KLHL15: variants seen among roughly 807,000 people sequenced by gnomAD.
The protein encoded by KLHL15 is kelch-like protein 15.
In KLHL15, 1 loss-of-function variant was observed where a neutral mutation model predicts 29.3. The observed-to-expected ratio is 0.03, with a 90% CI of 0.01 to 0.16. The LOEUF is 0.16. Among genes scored for constraint, KLHL15 ranks in the 10% least tolerant of loss-of-function variants. The pLI is 1.00. For missense variants in KLHL15, 215 were observed against 478.5 expected, an observed-to-expected ratio of 0.45 and a Z score of 5.14; for synonymous variants, 212 against 184.5, an observed-to-expected ratio of 1.15 and a Z score of -1.21.
intron 3 of KLHL15, among the ~76,000 whole-genome samples, chrX:23,990,746 G>C (rs1312521702): frequency 2.7e-5 from 3 of 110,282 alleles, no homozygotes; most frequent in African/African-American, 9.9e-5. Context: ...TCAAAACCAG[G>C]TGTATATATT....
rs1463143361 is a variant in KLHL15 at position 23,987,086 on chromosome X, C to T, written c.*835G>A. 2 of 112,686 alleles carry T rather than the reference C, an allele frequency of 1.8e-5. No homozygotes were observed. The highest frequency in any genetic ancestry group is 6.4e-5 in the African/African-American group (2 of 31,081). The allele number at this position is 112,686 out of a possible 1,213,427, so 9.3% of individuals were successfully genotyped here. A position where few individuals can be genotyped will look rare whatever the true frequency, so the allele number is the denominator to read the frequency against. On this transcript the variant is annotated 3_prime_UTR_variant, in exon 4 of 4. Transcript: ENST00000328046. ...TAAAGTGTTAGTTTTCATAACCATA[C>T]ATGTTTCAGAAATATAAGGAGTTCA...
intron 2 of KLHL15, among the ~76,000 whole-genome samples, chrX:24,014,095 T>TTA (rs1368828502): frequency 2.2e-5 from 2 of 89,022 alleles, no homozygotes; most frequent in African/African-American, 8.0e-5. Context: ...CTAACAAAAT[T>TTA]AAAAAAAAAA....
chrX:24,005,323 G>C (rs370154822), intron 3 of KLHL15, among the ~76,000 whole-genome samples: 12 of 112,277 alleles, frequency 1.1e-4, no homozygotes, highest in African/African-American at 3.6e-4. Flanking sequence ...AATGTGCCCA[G>C]GGATGGTTGA....
In KLHL15 at chrX:23,988,760, T is replaced by G. The variant is rs771164671; in HGVS notation, c.976A>C (p.Asn326His). Residue 326 changes from asparagine to histidine, a missense_variant, in exon 4 of 4, where the codon AAT (asparagine) becomes CAT (histidine). Transcript: ENST00000328046. ...PLRPDCLAIV[N>H]NFVFLLGGEE... ...CCGCCTAACAGGAACACAAAATTAT[T>G]GACGATAGCAAGGCAGTCAGGTCGC... 1.2e-5 allele frequency: 15 copies of G among 1,211,869 alleles called. No individual in the cohort carries two copies. In the East Asian group the frequency reaches 2.7e-4, roughly 21 times the overall value.
intron 2 of KLHL15, among the ~76,000 whole-genome samples, chrX:24,013,588 T>G (rs1171417738): frequency 9.0e-6 from 1 of 111,591 alleles, no homozygotes; most frequent in Non-Finnish European, 1.9e-5. Context: ...AAGGTAAAAT[T>G]AATGAGCTTA....
chrX:24,022,774 C>T (rs1929839347), intron 2 of KLHL15, among the ~76,000 whole-genome samples: 1 of 105,018 alleles, frequency 9.5e-6, no homozygotes, highest in Non-Finnish European at 1.9e-5. Flanking sequence ...GGCTGGAGTG[C>T]AGTGCCGCCA....
At position 23,988,156 on chromosome X, in the gene KLHL15, G is replaced by T; in HGVS notation, c.1580C>A (p.Ser527Tyr). The change falls in exon 4 of 4, where the codon TCC (serine) becomes TAC (tyrosine). Residue 527 changes from serine (S) to tyrosine (Y), a missense_variant. Transcript: ENST00000328046. ...PETDQWTILA[S>Y]MPIGRSGHGV... is the part of the protein sequence containing the mutation. Reference sequence around the variant, plus strand: ...ATGGCCACTTCTACCAATCGGCATGGATGCCAAGATGGTCCACTGATCAGT... The same window carrying T: ...ATGGCCACTTCTACCAATCGGCATGTATGCCAAGATGGTCCACTGATCAGT... 8.3e-7 allele frequency: 1 copy of T among 1,211,404 alleles called. No homozygotes were observed. The highest frequency in any genetic ancestry group is 1.1e-6 in the Non-Finnish European group (1 of 895,291).
chrX:24,025,911 C>T (rs1286946340), intron 1 of KLHL15, among the ~76,000 whole-genome samples: 1 of 111,046 alleles, frequency 9.0e-6, no homozygotes, highest in Non-Finnish European at 1.9e-5. Context: ...TCCTCGTCCC[C>T]TTGCAGCGGT....
chrX:24,024,738 G>A lies in KLHL15; in HGVS notation c.-8+119C>T, dbSNP rs1691983486. 2.0e-5 allele frequency: 6 copies of A among 295,824 alleles called. No homozygotes were observed. In the South Asian group the frequency reaches 1.1e-3, roughly 55 times the overall value. 24.4% of individuals were successfully genotyped at this position (295,824 alleles called of 1,213,427 possible). A position where few individuals can be genotyped will look rare whatever the true frequency, so the allele number is the denominator to read the frequency against. ...TAAACTCGAAGACAAACGAGGTCCC[G>A]GCGTCTACCAAATGTTTGACTCGGG... On this transcript the variant is annotated intron_variant, in intron 2 of 3. Transcript: ENST00000328046.
At chrX:24,004,785 G>C (rs1327354765) in intron 3 of KLHL15, among the ~76,000 whole-genome samples, 1 of 78,412 alleles carries the variant, frequency 1.3e-5, no homozygotes, top group East Asian at 4.9e-4. Context: ...GCGAGACTCT[G>C]TCTCAAAAAA....
At chrX:24,008,163 C>G (rs1929492880) in intron 2 of KLHL15, among the ~76,000 whole-genome samples, 2 of 111,578 alleles carry the variant, frequency 1.8e-5, no homozygotes, top group Admixed American at 1.9e-4. Context: ...GAAATTAAAC[C>G]AAATCTTTCC....
intron 2 of KLHL15, among the ~76,000 whole-genome samples, chrX:24,008,974 C>T: frequency 9.0e-6 from 1 of 111,131 alleles, no homozygotes; most frequent in East Asian, 2.8e-4. Flanking sequence ...TATAACTTGG[C>T]CTTTTGCTCA....
chrX:24,015,720 C>T (rs368587812), intron 2 of KLHL15, among the ~76,000 whole-genome samples: 1 of 112,540 alleles, frequency 8.9e-6, no homozygotes, highest in Non-Finnish European at 1.9e-5. Flanking sequence ...AAATCTGGAC[C>T]GGACACGGTG....
intron 3 of KLHL15, among the ~76,000 whole-genome samples, chrX:23,991,443 C>T (rs759408391): frequency 2.7e-4 from 30 of 109,668 alleles, no homozygotes; most frequent in African/African-American, 9.3e-4. Flanking sequence ...CGCTTGAACC[C>T]GGGAGGTGGA....
intron 3 of KLHL15, among the ~76,000 whole-genome samples, chrX:23,995,418 A>G (rs1468091008): frequency 9.2e-6 from 1 of 108,439 alleles, no homozygotes; most frequent in Non-Finnish European, 1.9e-5. Context: ...AAAAAAAAAA[A>G]AAAAAAAAGG....
chrX:23,997,730 CAAAAAA>C (rs59857010), intron 3 of KLHL15, among the ~76,000 whole-genome samples: 3 of 24,234 alleles, frequency 1.2e-4, no homozygotes, highest in Non-Finnish European at 1.5e-4. Context: ...GACTCTGTCT[CAAAAAA>C]AAAAAAAAAA....
intron 2 of KLHL15, among the ~76,000 whole-genome samples, chrX:24,008,252 T>G (rs2147105524): frequency 8.9e-6 from 1 of 112,354 alleles, no homozygotes; most frequent in South Asian, 3.7e-4. Context: ...TTCAGTCTAT[T>G]TTTTTGTTTT....
intron 2 of KLHL15, among the ~76,000 whole-genome samples, chrX:24,021,683 A>G (rs751102969): frequency 1.8e-5 from 2 of 111,758 alleles, no homozygotes; most frequent in East Asian, 2.8e-4. Context: ...AGAACATCAA[A>G]GCTCACAGAG....
intron 3 of KLHL15, among the ~76,000 whole-genome samples, chrX:23,998,033 C>T (rs1412719951): frequency 2.7e-5 from 3 of 110,989 alleles, no homozygotes; most frequent in Admixed American, 1.9e-4. Flanking sequence ...ACAATCTCAG[C>T]GCACTGCAAC....
Sources: allele counts gnomAD v4.1 joint callset (sites outside exome capture counted in the v4.1 genomes callset), GRCh38; gene constraint gnomAD v4.1.1; transcripts MANE v1.5; gene names NCBI Gene and HGNC (gene_info 2026-07-23, HGNC 2026-07-21).